Variants in MSRB3 observed in about 807,000 individuals in gnomAD.
The protein encoded by MSRB3 is methionine sulfoxide reductase B3.
A neutral mutation model predicts 21.0 loss-of-function variants in MSRB3; 13 were observed. That is an observed-to-expected ratio of 0.62 (90% CI 0.40 to 0.98). The LOEUF (loss-of-function observed/expected upper bound fraction) is 0.98, where lower values mean the gene tolerates loss of function less well. MSRB3 is among the 50% of genes least tolerant of loss of function. MSRB3 has a pLI of 0.00. For missense variants in MSRB3, 199 were observed against 230.3 expected, an observed-to-expected ratio of 0.86 and a Z score of 0.88; for synonymous variants, 87 against 88.6, an observed-to-expected ratio of 0.98 and a Z score of 0.10.
intron 5 of MSRB3, among the ~76,000 whole-genome samples, chr12:65,443,195 G>A (rs1052097984): frequency 6.6e-6 from 1 of 152,014 alleles, no homozygotes; most frequent in Non-Finnish European, 1.5e-5. Flanking sequence ...GCTTGCTGCA[G>A]TACAGCTACA....
chr12:65,394,528 A>G (rs1195593739), intron 5 of MSRB3, among the ~76,000 whole-genome samples: 2 of 152,248 alleles, frequency 1.3e-5, no homozygotes, highest in African/African-American at 4.8e-5. Flanking sequence ...AAGAAGAATT[A>G]ATGCCAATTA....
intron 5 of MSRB3, among the ~76,000 whole-genome samples, chr12:65,418,379 CTTATG>C (rs893313005): frequency 7.2e-5 from 11 of 152,116 alleles, no homozygotes; most frequent in African/African-American, 2.4e-4. Context: ...GTTGGAGTTC[CTTATG>C]TTATGTTTCG....
chr12:65,333,000 AGTAAATTAACT>A (rs1875529347), intron 4 of MSRB3, among the ~76,000 whole-genome samples: 1 of 152,228 alleles, frequency 6.6e-6, no homozygotes, highest in Admixed American at 6.5e-5. Flanking sequence ...ACTTTCAGTT[AGTAAATTAACT>A]GACAGAAGTA....
At chr12:65,352,675 C>T (rs1469025146) in intron 4 of MSRB3, among the ~76,000 whole-genome samples, 4 of 151,932 alleles carry the variant, frequency 2.6e-5, no homozygotes, top group Middle Eastern at 3.4e-3. Context: ...CAATAACAGA[C>T]AAACAGAGAG....
At chr12:65,376,183 C>G (rs191902935) in intron 5 of MSRB3, among the ~76,000 whole-genome samples, 3 of 150,424 alleles carry the variant, frequency 2.0e-5, no homozygotes, top group East Asian at 3.9e-4. Flanking sequence ...GCAGTGGCGC[C>G]GTCTCGGCTC....
intron 4 of MSRB3, among the ~76,000 whole-genome samples, chr12:65,351,129 G>A (rs1026873846): frequency 1.9e-4 from 29 of 152,128 alleles, no homozygotes; most frequent in Middle Eastern, 3.4e-3. Flanking sequence ...ACCACAGTGC[G>A]ATCAAACTAG....
intron 5 of MSRB3, among the ~76,000 whole-genome samples, chr12:65,437,945 C>A (rs575906865): frequency 6.6e-6 from 1 of 151,776 alleles, no homozygotes; most frequent in South Asian, 2.1e-4. Context: ...TTACTGTAGC[C>A]GTTGTGTGAC....
chr12:65,437,589 A>G (rs1882178088), intron 5 of MSRB3, among the ~76,000 whole-genome samples: 1 of 151,812 alleles, frequency 6.6e-6, no homozygotes, highest in Non-Finnish European at 1.5e-5. Context: ...AAATAGACAC[A>G]TATCTGATAA....
intron 5 of MSRB3, among the ~76,000 whole-genome samples, chr12:65,434,625 C>T (rs960543112): frequency 4.6e-5 from 7 of 151,642 alleles, no homozygotes; most frequent in African/African-American, 7.3e-5. Flanking sequence ...ACATGAATGA[C>T]GGAAGAAGGT....
At chr12:65,390,429 A>T (rs1367371351) in intron 5 of MSRB3, among the ~76,000 whole-genome samples, 1 of 152,206 alleles carries the variant, frequency 6.6e-6, no homozygotes, top group Admixed American at 6.5e-5. Flanking sequence ...CTAAAGGCCA[A>T]TAAGCATTTG....
intron 5 of MSRB3, among the ~76,000 whole-genome samples, chr12:65,418,574 T>G (rs1417292095): frequency 1.3e-5 from 2 of 152,192 alleles, no homozygotes; most frequent in Non-Finnish European, 2.9e-5. Flanking sequence ...CAGATCAATG[T>G]CATGGAGCTT....
intron 5 of MSRB3, among the ~76,000 whole-genome samples, chr12:65,421,603 C>G (rs1881300066): frequency 6.6e-6 from 1 of 152,158 alleles, no homozygotes; most frequent in South Asian, 2.1e-4. Flanking sequence ...TTGGGTTTTA[C>G]ACTTAATTTT....
chr12:65,357,884 T>TGACCAC (rs1877481022), intron 4 of MSRB3, among the ~76,000 whole-genome samples: 1 of 151,960 alleles, frequency 6.6e-6, no homozygotes, highest in African/African-American at 2.4e-5. Flanking sequence ...ATATTGACCT[T>TGACCAC]GACCACATGG....
At chr12:65,396,749 A>AAAGAAAGAAAGAAAGAAAGAAAGG (rs1565872372) in intron 5 of MSRB3, among the ~76,000 whole-genome samples, 1 of 149,656 alleles carries the variant, frequency 6.7e-6, no homozygotes, top group African/African-American at 2.5e-5. Flanking sequence ...AGAAAGAAAG[A>AAAGAAAGAAAGAAAGAAAGAAAGG]AAGAAAACCC....
chr12:65,298,893 G>A lies in MSRB3; in HGVS notation c.-51-9636G>A, dbSNP rs187441517. On this transcript the variant is annotated intron_variant, in intron 1 of 6. Coordinates refer to ENST00000308259, the MANE Select transcript of MSRB3 (RefSeq NM_001031679.3). ...ATAGTCTTTTAGTGATATAGATACT[G>A]TAGTTTATAGTCCCAGGCATAGGAT... Among the ~76,000 whole-genome samples the A allele has an allele frequency of 1.1e-4, 17 of 152,250 alleles. No individual in the cohort carries two copies. The East Asian group carries it at 2.5e-3, about 22-fold the overall frequency.
intron 1 of MSRB3, among the ~76,000 whole-genome samples, chr12:65,296,065 T>C (rs1319672123): frequency 1.3e-5 from 2 of 152,248 alleles, no homozygotes; most frequent in Non-Finnish European, 2.9e-5. Context: ...ATACTCATTT[T>C]ATTAGTGTAT....
chr12:65,359,739 A>T (rs575735528), intron 4 of MSRB3, among the ~76,000 whole-genome samples: 2 of 152,274 alleles, frequency 1.3e-5, no homozygotes, highest in African/African-American at 4.8e-5. Flanking sequence ...GAAAATAGTG[A>T]TGAGGAGTAG....
In MSRB3 at chr12:65,465,733, G is replaced by C. The variant is rs1193615101; in HGVS notation, c.*2411G>C. The C allele has an allele frequency of 2.0e-5, 3 of 152,182 alleles. No homozygotes were observed. The East Asian group carries it at 5.8e-4, about 29-fold the overall frequency. The allele number at this position is 152,182 out of a possible 1,614,324, so 9.4% of individuals were successfully genotyped here. A position where few individuals can be genotyped will look rare whatever the true frequency, so the allele number is the denominator to read the frequency against. On this transcript the variant is annotated 3_prime_UTR_variant, in exon 7 of 7. Coordinates refer to ENST00000308259, the MANE Select transcript of MSRB3 (RefSeq NM_001031679.3). ...CCCTGGGTTCACTCTGGAATTCGTA[G>C]GCTTCACGTCTCTCTAGAAATGACG...
At chr12:65,383,823 C>T (rs1017417796) in intron 5 of MSRB3, among the ~76,000 whole-genome samples, 3 of 152,072 alleles carry the variant, frequency 2.0e-5, no homozygotes, top group African/African-American at 7.2e-5. Flanking sequence ...CCACACCCGA[C>T]TAATTTTTGT....
Sources: gnomAD v4.1 joint callset for allele counts (sites outside exome capture counted in the v4.1 genomes callset) on GRCh38, gnomAD v4.1.1 for gene constraint, MANE v1.5 for transcripts, NCBI Gene and HGNC (gene_info 2026-07-23, HGNC 2026-07-21) for gene names.